The following UBE2J2 variants were observed in gnomAD, a reference collection of about 807,000 sequenced individuals.
The protein encoded by UBE2J2 is ubiquitin conjugating enzyme E2 J2.
In UBE2J2, 5 loss-of-function variants were observed where a neutral mutation model predicts 28.6. The observed-to-expected ratio is 0.17, with a 90% confidence interval of 0.09 to 0.37. The LOEUF (loss-of-function observed/expected upper bound fraction) is 0.37. Ranked by LOEUF, UBE2J2 falls within the 10% of genes least tolerant of loss-of-function variation. The pLI, the probability that UBE2J2 is intolerant of heterozygous loss-of-function variation, is 1.00. For missense variants in UBE2J2, 226 were observed against 338.9 expected, an observed-to-expected ratio of 0.67 and a Z score of 2.62; for synonymous variants, 138 against 139.7, an observed-to-expected ratio of 0.99 and a Z score of 0.09.
At chr1:1,269,476 T>G (rs1188292720) in intron 1 of UBE2J2, among the ~76,000 whole-genome samples, 1 of 151,434 alleles carries the variant, frequency 6.6e-6, no homozygotes, top group Non-Finnish European at 1.5e-5. Flanking sequence ...TTTTTTTTTT[T>G]GAGATAGAAT....
chr1:1,266,042 G>A lies in UBE2J2; in HGVS notation c.131+1820C>T, dbSNP rs1429000327. The A allele has an allele frequency of 8.4e-6, 11 of 1,302,480 alleles. No individual in the cohort carries two copies. The African/African-American group carries it at 1.4e-4, about 16-fold the overall frequency. The allele number at this position is 1,302,480 out of a possible 1,614,324, so 80.7% of individuals were successfully genotyped here. ...GTGGGGAGGGATTTCCCCACACAAT[G>A]AAGACGTCCTCGCAACCAGCGAGGA... On this transcript the variant is annotated intron_variant, in intron 2 of 6. Transcript: ENST00000349431.
In UBE2J2 at chr1:1,268,146, C is replaced by G. The variant is rs888589014; in HGVS notation, c.1-154G>C. Among the ~76,000 whole-genome samples the G allele has an allele frequency of 2.0e-5, 3 of 152,134 alleles. No homozygotes were observed. The highest frequency in any genetic ancestry group is 7.2e-5 in the African/African-American group (3 of 41,420). On this transcript the variant is annotated intron_variant, in intron 1 of 6. Coordinates refer to ENST00000349431, the MANE Select transcript of UBE2J2 (RefSeq NM_058167.3). This position sits in a 1 kb window ranked among gnomAD's most constrained non-coding sequence, Gnocchi z 4.7. ...TCACAGGTCACCCTCGCTTGCCACC[C>G]GCCCAGACACCCAGAGGCCCTGCGG...
intron 2 of UBE2J2, among the ~76,000 whole-genome samples, chr1:1,265,011 T>C (rs568479493): frequency 1.0e-3 from 157 of 152,298 alleles, no homozygotes; most frequent in African/African-American, 3.6e-3. Context: ...TCATGTGTCA[T>C]TGACCCAGGA....
At chr1:1,257,920 T>G (rs1275535592) in intron 3 of UBE2J2, among the ~76,000 whole-genome samples, 1 of 152,150 alleles carries the variant, frequency 6.6e-6, no homozygotes, top group African/African-American at 2.4e-5. Flanking sequence ...TTCATGGCTC[T>G]TCACACGTCC....
chr1:1,265,583 G>A (rs1296580809), intron 2 of UBE2J2, among the ~76,000 whole-genome samples: 2 of 149,988 alleles, frequency 1.3e-5, no homozygotes, highest in African/African-American at 4.9e-5. Context: ...GTGTGTGTGT[G>A]TGTGTGTGTT....
At chr1:1,258,725 A>G (rs904287036) in intron 3 of UBE2J2, among the ~76,000 whole-genome samples, 1 of 152,208 alleles carries the variant, frequency 6.6e-6, no homozygotes, top group Non-Finnish European at 1.5e-5. Flanking sequence ...TCCTCCTGGT[A>G]TCACACCCAC....
chr1:1,266,171 T>A (rs1639850940), intron 2 of UBE2J2: 1 of 1,300,540 alleles, frequency 7.7e-7, no homozygotes, highest in Admixed American at 2.3e-5. Context: ...GCCAAGGGGC[T>A]CCGCCTCACC....
At chr1:1,260,865 G>A (rs1333719404) in intron 3 of UBE2J2, among the ~76,000 whole-genome samples, 2 of 152,246 alleles carry the variant, frequency 1.3e-5, no homozygotes, top group Admixed American at 1.3e-4. Flanking sequence ...ATAAAAAACT[G>A]AGATTTTGTT....
intron 3 of UBE2J2, chr1:1,262,236 G>A (rs896175105): frequency 4.5e-6 from 2 of 441,044 alleles, no homozygotes; most frequent in Non-Finnish European, 9.1e-6. Flanking sequence ...ACTTTAACAC[G>A]CCCTGGACAC....
chr1:1,265,952 G>A, intron 2 of UBE2J2: 1 of 942,670 alleles, frequency 1.1e-6, no homozygotes, highest in Middle Eastern at 2.6e-4. Flanking sequence ...TAATTTTAAT[G>A]GTGAGTATTC....
At chr1:1,261,613 G>C (rs960660392) in intron 3 of UBE2J2, among the ~76,000 whole-genome samples, 2 of 151,322 alleles carry the variant, frequency 1.3e-5, no homozygotes, top group Non-Finnish European at 2.9e-5. Context: ...ATGTAAAGCT[G>C]GCATAATTTT....
Position 1,257,220 on chromosome 1 carries a change from T to C in UBE2J2, c.263A>G (p.Lys88Arg). 6.2e-7 allele frequency: 1 copy of C among 1,610,296 alleles called. No homozygotes were observed. The highest frequency in any genetic ancestry group is 8.5e-7 in the Non-Finnish European group (1 of 1,177,868). ...CCAGGCACCTTACCTGGTGTTGCAC[T>C]TAAACCTCCCGTTGGGAGTGATCAT... ...IYMITPNGRF[K>R]CNTRLCLSIT... is the part of the protein sequence containing the mutation. Residue 88 changes from lysine (K) to arginine (R), a missense_variant, in exon 4 of 7, where the codon AAG (lysine) becomes AGG (arginine). Lys to Arg is a conservative substitution (Grantham distance 26). Transcript: ENST00000349431.
chr1:1,263,267 T>C (rs1042920016), intron 3 of UBE2J2, 79 bp downstream of exon 3: 67 of 1,332,484 alleles, frequency 5.0e-5, no homozygotes, highest in Non-Finnish European at 7.1e-5. Context: ...TGTTTGCAAA[T>C]AAAAGATGTT....
chr1:1,262,153 G>A (rs1373002650), intron 3 of UBE2J2: 6 of 331,200 alleles, frequency 1.8e-5, no homozygotes, highest in South Asian at 2.2e-5. Flanking sequence ...CACCGCGCCC[G>A]GCCGACCACT....
chr1:1,270,392 T>G (rs1640088977), intron 1 of UBE2J2, among the ~76,000 whole-genome samples: 1 of 152,090 alleles, frequency 6.6e-6, no homozygotes, highest in Admixed American at 6.6e-5. Context: ...CCTGAGGATG[T>G]CAATGGCCAG....
At chr1:1,263,321 C>G (rs1639669921) in intron 3 of UBE2J2, 25 bp downstream of exon 3, 1 of 1,609,130 alleles carries the variant, frequency 6.2e-7, no homozygotes, top group Non-Finnish European at 8.5e-7. Flanking sequence ...GCCTGGTGTT[C>G]TTCTCCTAAG....
Position 1,257,244 on chromosome 1 carries a change from A to G in UBE2J2, c.239T>C (p.Met80Thr). ...CTTAAACCTCCCGTTGGGAGTGATC[A>G]TATAGATACTGGGAGGTTTGAAAGG... is the stretch of plus-strand genomic sequence containing the variant. ...EFPFKPPSIY[M>T]ITPNGRFKCN... Residue 80 changes from methionine to threonine, a missense_variant, in exon 4 of 7, where the codon ATG (methionine) becomes ACG (threonine). Met to Thr is a moderately conservative substitution (Grantham distance 81). Transcript: ENST00000349431. 6.2e-7 allele frequency: 1 copy of G among 1,613,322 alleles called. No homozygotes were observed. Among genetic ancestry groups the G allele is most frequent in the Non-Finnish European group, 8.5e-7 (1 of 1,179,730 alleles).
At chr1:1,259,148 G>A (rs529915712) in intron 3 of UBE2J2, among the ~76,000 whole-genome samples, 2 of 140,010 alleles carry the variant, frequency 1.4e-5, no homozygotes, top group African/African-American at 2.8e-5. Flanking sequence ...CCATCAGGAC[G>A]CGTGTGTGCG....
chr1:1,256,036 C>T lies in UBE2J2; in HGVS notation c.495+9G>A. ...AGGGGAAGGCGAAACCCACTTCCGT[C>T]TTTCTTACCTCCACGACTTCAGGAA... On this transcript the variant is annotated intron_variant, in intron 6 of 6. Coordinates refer to ENST00000349431, the MANE Select transcript of UBE2J2 (RefSeq NM_058167.3). 1.2e-6 allele frequency: 2 copies of T among 1,601,388 alleles called. No individual in the cohort carries two copies. Among genetic ancestry groups the T allele is most frequent in the East Asian group, 4.5e-5 (2 of 44,846 alleles).
Sources: allele counts gnomAD v4.1 joint callset (sites outside exome capture counted in the v4.1 genomes callset), GRCh38; gene constraint gnomAD v4.1.1; non-coding constraint Gnocchi (gnomAD v3.1); transcripts MANE v1.5; gene names NCBI Gene and HGNC (gene_info 2026-07-23, HGNC 2026-07-21).